Variants in EXOC4 observed in about 807,000 individuals in gnomAD.
EXOC4 encodes exocyst complex component 4, also known as SEC8-like 1.
Under a neutral mutation model 107.2 loss-of-function variants are expected in EXOC4, and 71 were observed. The ratio of observed to expected loss-of-function variants is 0.66; its 90% CI spans 0.55 to 0.81. The LOEUF (loss-of-function observed/expected upper bound fraction) is 0.81, where lower values mean the gene tolerates loss of function less well. EXOC4 is among the 30% of genes least tolerant of loss of function. EXOC4 has a pLI of 0.00. For synonymous variants in EXOC4, 456 were observed against 441.2 expected (o/e 1.03, Z -0.42); for missense variants, 1,108 against 1,189.6 (o/e 0.93, Z 1.01).
At chr7:133,343,571 C>G (rs766086779) in intron 5 of EXOC4, among the ~76,000 whole-genome samples, 1 of 151,744 alleles carries the variant, frequency 6.6e-6, no homozygotes, top group African/African-American at 2.4e-5. Context: ...GCCACGCACT[C>G]GACTTAATCT....
chr7:133,329,895 A>G (rs1795340000), intron 5 of EXOC4, among the ~76,000 whole-genome samples: 1 of 152,182 alleles, frequency 6.6e-6, no homozygotes, highest in Admixed American at 6.5e-5. Context: ...GTCAGGAGGC[A>G]TGGGGGTCAG....
At chr7:133,977,992 A>T (rs1304443102) in intron 14 of EXOC4, among the ~76,000 whole-genome samples, 3 of 152,188 alleles carry the variant, frequency 2.0e-5, no homozygotes, top group African/African-American at 7.2e-5. Flanking sequence ...GTGAACTGTA[A>T]CCTAACTTGA....
At chr7:133,444,537 A>G (rs1012257824) in intron 7 of EXOC4, among the ~76,000 whole-genome samples, 9 of 152,192 alleles carry the variant, frequency 5.9e-5, no homozygotes, top group Admixed American at 1.3e-4. Flanking sequence ...CTACACACAT[A>G]GGGTAATTCC....
chr7:133,486,441 T>TGA (rs1799271526), intron 9 of EXOC4, among the ~76,000 whole-genome samples: 1 of 152,146 alleles, frequency 6.6e-6, no homozygotes, highest in African/African-American at 2.4e-5. Context: ...TTGATTGAAG[T>TGA]GAGGTGCATT....
chr7:133,823,938 TA>T (rs1180713321), intron 11 of EXOC4, among the ~76,000 whole-genome samples: 1 of 101,076 alleles, frequency 9.9e-6, no homozygotes, highest in Non-Finnish European at 1.9e-5. Flanking sequence ...ATATATATAT[TA>T]TATATATAGT....
At chr7:133,290,655 A>T (rs1369961498) in intron 3 of EXOC4, among the ~76,000 whole-genome samples, 5 of 152,222 alleles carry the variant, frequency 3.3e-5, no homozygotes, top group Admixed American at 3.3e-4. Context: ...TTAGGATTTC[A>T]GATTTTTGTG....
In EXOC4 at chr7:133,971,361, T is replaced by TAG. The variant is rs1186165891; in HGVS notation, c.2207-26091_2207-26090dup. Among the ~76,000 whole-genome samples, 193 of 75,026 alleles carry TAG rather than the reference T, an allele frequency of 2.6e-3. 1 individual carries two copies. The highest frequency in any genetic ancestry group is 2.9e-3 in the Non-Finnish European group (123 of 41,754). The allele number at this position is 75,026 out of a possible 152,430, so 49.2% of individuals were successfully genotyped here. ...ATATATATATATATATATATATATA[T>TAG]AGAGAGAGAGAGAGAGAGAGAGAGA... On this transcript the variant is annotated intron_variant, in intron 14 of 17. Transcript: ENST00000253861.
At chr7:133,373,709 G>A (rs577492669) in intron 6 of EXOC4, among the ~76,000 whole-genome samples, 113 of 152,254 alleles carry the variant, frequency 7.4e-4, no homozygotes, top group African/African-American at 2.5e-3. Context: ...GGAATTACAA[G>A]CTGAGAGCCA....
At chr7:133,554,796 CTG>C (rs1221320117) in intron 9 of EXOC4, among the ~76,000 whole-genome samples, 1 of 152,168 alleles carries the variant, frequency 6.6e-6, no homozygotes, top group Non-Finnish European at 1.5e-5. Flanking sequence ...TCCAACTAGA[CTG>C]TGAGATCCTT....
chr7:133,343,596 G>GTT (rs1415362333), intron 5 of EXOC4, among the ~76,000 whole-genome samples: 4 of 142,258 alleles, frequency 2.8e-5, no homozygotes, highest in Admixed American at 7.0e-5. Flanking sequence ...TTTTAGTTCC[G>GTT]TTTTTTTTTT....
rs1009037558 is a variant in EXOC4 at position 133,988,433 on chromosome 7, T to G, written c.2207-9059T>G. Among the ~76,000 whole-genome samples the G allele has an allele frequency of 3.3e-5, 5 of 152,340 alleles. No individual in the cohort carries two copies. The South Asian group carries it at 1.0e-3, about 32-fold the overall frequency. The stretch of plus-strand genomic sequence containing the variant: ...TCTTTGTCATATTGCATTGGTCAGT[T>G]TAATTAAAAAGGCATTGATTGAGCT... On this transcript the variant is annotated intron_variant, in intron 14 of 17. Transcript: ENST00000253861.
intron 3 of EXOC4, among the ~76,000 whole-genome samples, chr7:133,299,800 G>T (rs967301132): frequency 6.6e-6 from 1 of 151,852 alleles, no homozygotes; most frequent in African/African-American, 2.4e-5. Context: ...TATCTCCCTG[G>T]CAGTCTATTG....
intron 9 of EXOC4, among the ~76,000 whole-genome samples, chr7:133,489,647 T>C (rs1271345128): frequency 1.3e-5 from 2 of 152,240 alleles, no homozygotes; most frequent in East Asian, 3.8e-4. Flanking sequence ...ATTATACTTT[T>C]GTTTCCTGTG....
intron 14 of EXOC4, among the ~76,000 whole-genome samples, chr7:133,941,241 C>T (rs1800420850): frequency 6.6e-6 from 1 of 152,074 alleles, no homozygotes; most frequent in Non-Finnish European, 1.5e-5. Flanking sequence ...TCGTGATCCG[C>T]CCGCCTCGGC....
At chr7:133,717,661 G>A (rs1157586591) in intron 10 of EXOC4, among the ~76,000 whole-genome samples, 2 of 152,144 alleles carry the variant, frequency 1.3e-5, no homozygotes, top group African/African-American at 4.8e-5. Flanking sequence ...TCATGTGAAG[G>A]ATAGAATATA....
chr7:133,565,268 C>T (rs1371527582), intron 9 of EXOC4, among the ~76,000 whole-genome samples: 1 of 152,096 alleles, frequency 6.6e-6, no homozygotes, highest in African/African-American at 2.4e-5. Context: ...AGCTTAACCG[C>T]CTCCACTCTT....
chr7:133,662,224 T>G (rs78741075), intron 10 of EXOC4, among the ~76,000 whole-genome samples: 2,182 of 152,210 alleles, frequency 0.014, 56 homozygotes, highest in African/African-American at 0.049. Flanking sequence ...TTTGGAACCT[T>G]AAATATAGTT....
intron 9 of EXOC4, among the ~76,000 whole-genome samples, chr7:133,525,975 A>G (rs138508420): frequency 5.3e-4 from 81 of 152,120 alleles, no homozygotes; most frequent in African/African-American, 1.9e-3. Context: ...TCTGATTACT[A>G]TTTCTCCTGA....
intron 7 of EXOC4, among the ~76,000 whole-genome samples, chr7:133,472,340 CTAAT>C (rs1387252183): frequency 6.6e-6 from 1 of 152,166 alleles, no homozygotes; most frequent in Non-Finnish European, 1.5e-5. Flanking sequence ...AGTGGGCAAA[CTAAT>C]AGGGAGTTGA....
Sources: gnomAD v4.1 joint callset for allele counts (sites outside exome capture counted in the v4.1 genomes callset) on GRCh38, gnomAD v4.1.1 for gene constraint, MANE v1.5 for transcripts, NCBI Gene and HGNC (gene_info 2026-07-23, HGNC 2026-07-21) for gene names.